KCNMA1: variants seen among roughly 807,000 people sequenced by gnomAD.
The protein encoded by KCNMA1 is potassium calcium-activated channel subfamily M alpha 1, also known as Calcium-activated potassium channel subunit alpha-1.
KCNMA1 carries 29 observed loss-of-function variants against 140.0 expected under a neutral mutation model. The ratio of observed to expected loss-of-function variants is 0.21; its 90% CI spans 0.15 to 0.28. The LOEUF (loss-of-function observed/expected upper bound fraction) is 0.28. Among genes scored for constraint, KCNMA1 ranks in the 10% least tolerant of loss-of-function variants. KCNMA1 has a pLI of 1.00. For missense variants in KCNMA1, 880 were observed against 1,602.2 expected (o/e 0.55, Z 7.70); for synonymous variants, 612 against 611.9 (o/e 1.00, Z 0.00).
chr10:77,606,563 C>A (rs545781884), intron 1 of KCNMA1, among the ~76,000 whole-genome samples: 1 of 152,154 alleles, frequency 6.6e-6, no homozygotes, highest in African/African-American at 2.4e-5. Flanking sequence ...TAAGTTATGA[C>A]CATGCCACTG....
chr10:77,361,088 T>C (rs1439072365), intron 2 of KCNMA1, among the ~76,000 whole-genome samples: 3 of 152,160 alleles, frequency 2.0e-5, no homozygotes, highest in African/African-American at 7.2e-5. Flanking sequence ...AGTTACTTAA[T>C]CTCTCTAAGC....
intron 1 of KCNMA1, among the ~76,000 whole-genome samples, chr10:77,454,003 T>C (rs1360173391): frequency 2.0e-5 from 3 of 152,154 alleles, no homozygotes; most frequent in Admixed American, 6.5e-5. Context: ...TGGTTCCACC[T>C]AATAAAGCTC....
At chr10:77,510,884 A>C (rs2048132029) in intron 1 of KCNMA1, among the ~76,000 whole-genome samples, 1 of 152,192 alleles carries the variant, frequency 6.6e-6, no homozygotes, top group Admixed American at 6.5e-5. Flanking sequence ...TTAACAACAC[A>C]TGGAGATGAC....
chr10:77,256,935 C>G (rs1400556222), intron 2 of KCNMA1, among the ~76,000 whole-genome samples: 1 of 152,064 alleles, frequency 6.6e-6, no homozygotes, highest in Admixed American at 6.5e-5. Flanking sequence ...GAGACCATAT[C>G]TCTACAAAAA....
intron 2 of KCNMA1, among the ~76,000 whole-genome samples, chr10:77,380,828 A>C (rs1189518294): frequency 6.6e-6 from 1 of 152,202 alleles, no homozygotes; most frequent in Non-Finnish European, 1.5e-5. Flanking sequence ...TGATGCCCCA[A>C]GCATCCAGCG....
At chr10:77,310,140 C>T (rs762053756) in intron 2 of KCNMA1, among the ~76,000 whole-genome samples, 71 of 152,118 alleles carry the variant, frequency 4.7e-4, no homozygotes, top group Admixed American at 1.4e-3. Context: ...ATGTGCTTAG[C>T]GTCTTTGAAG....
intron 1 of KCNMA1, among the ~76,000 whole-genome samples, chr10:77,583,192 GC>G (rs919606959): frequency 6.6e-6 from 1 of 152,172 alleles, no homozygotes; most frequent in Non-Finnish European, 1.5e-5. Flanking sequence ...CCTGAACCTT[GC>G]TTCTGCTCCT....
chr10:77,120,642 C>T (rs2097574189), intron 6 of KCNMA1, among the ~76,000 whole-genome samples: 1 of 152,136 alleles, frequency 6.6e-6, no homozygotes, highest in African/African-American at 2.4e-5. Context: ...AAATCTATCC[C>T]TCATTCACTG....
At chr10:77,143,168 C>A (rs1260389734) in intron 5 of KCNMA1, among the ~76,000 whole-genome samples, 2 of 151,790 alleles carry the variant, frequency 1.3e-5, no homozygotes, top group African/African-American at 2.4e-5. Flanking sequence ...CACAACAATC[C>A]TTAAATAAAT....
At chr10:77,477,613 T>C (rs1478563515) in intron 1 of KCNMA1, among the ~76,000 whole-genome samples, 1 of 152,186 alleles carries the variant, frequency 6.6e-6, no homozygotes, top group Non-Finnish European at 1.5e-5. Flanking sequence ...ATGTCTGTTA[T>C]GAATATGGAG....
In KCNMA1 at chr10:77,184,876, A is replaced by C. The variant is rs1839010593; in HGVS notation, c.643T>G (p.Leu215Val). 6.2e-7 allele frequency: 1 copy of C among 1,613,124 alleles called. No homozygotes were observed. The highest frequency in any genetic ancestry group is 1.3e-5 in the African/African-American group (1 of 75,036). The change falls in exon 4 of 28, where the codon TTA (leucine) becomes GTA (valine). Residue 215 changes from leucine (L) to valine (V), a missense_variant. Coordinates refer to ENST00000286628, the MANE Select transcript of KCNMA1 (RefSeq NM_001161352.2). The part of the protein sequence containing the change: ...SCQNFYKDFT[L>V]QIDMAFNVFF... ...ACGTTGAAAGCCATGTCGATCTGTA[A>C]TGTGAAATCTTTGTAGAAATTCTGG...
At chr10:77,217,798 A>G (rs1242542464) in intron 3 of KCNMA1, among the ~76,000 whole-genome samples, 1 of 152,182 alleles carries the variant, frequency 6.6e-6, no homozygotes, top group Non-Finnish European at 1.5e-5. Context: ...TGTGCTGAGA[A>G]TAGTTGATTC....
intron 10 of KCNMA1, among the ~76,000 whole-genome samples, chr10:77,088,231 G>T (rs1416398724): frequency 6.6e-6 from 1 of 152,104 alleles, no homozygotes; most frequent in Non-Finnish European, 1.5e-5. Context: ...AAAGTGCTGG[G>T]ATTACAGGCA....
chr10:77,597,911 T>C (rs1346150195), intron 1 of KCNMA1, among the ~76,000 whole-genome samples: 1 of 152,228 alleles, frequency 6.6e-6, no homozygotes, highest in Non-Finnish European at 1.5e-5. Context: ...CCTGTTTTAT[T>C]TTTCTCCATA....
At chr10:77,178,870 T>A (rs781442548) in intron 5 of KCNMA1, among the ~76,000 whole-genome samples, 11 of 152,184 alleles carry the variant, frequency 7.2e-5, no homozygotes, top group Non-Finnish European at 1.3e-4. Context: ...CATTTCAAGG[T>A]GCATTTATTT....
chr10:77,060,192 T>G (rs1295764740), intron 14 of KCNMA1, among the ~76,000 whole-genome samples: 2 of 152,170 alleles, frequency 1.3e-5, no homozygotes, highest in Non-Finnish European at 2.9e-5. Context: ...GGAATTTTTT[T>G]TAGGTATAGG....
intron 1 of KCNMA1, among the ~76,000 whole-genome samples, chr10:77,505,004 T>C (rs563361216): frequency 6.6e-6 from 1 of 152,262 alleles, no homozygotes; most frequent in Admixed American, 6.5e-5. Context: ...TCTCCTGAGA[T>C]TCCTTGGCCA....
intron 2 of KCNMA1, among the ~76,000 whole-genome samples, chr10:77,386,029 C>G (rs2095590116): frequency 6.6e-6 from 1 of 152,196 alleles, no homozygotes; most frequent in East Asian, 1.9e-4. Context: ...TGTAATATGT[C>G]TCCCCGAGTT....
intron 5 of KCNMA1, among the ~76,000 whole-genome samples, chr10:77,152,613 ATT>A (rs1339494314): frequency 1.3e-5 from 2 of 152,134 alleles, no homozygotes; most frequent in African/African-American, 4.8e-5. Flanking sequence ...GGGCTGGGGC[ATT>A]GATCCAACAC....
Sources: gnomAD v4.1 joint callset for allele counts (sites outside exome capture counted in the v4.1 genomes callset) on GRCh38, gnomAD v4.1.1 for gene constraint, MANE v1.5 for transcripts, NCBI Gene and HGNC (gene_info 2026-07-23, HGNC 2026-07-21) for gene names.